Variants in EFNA5 observed in about 807,000 individuals in gnomAD.
EFNA5 encodes ephrin A5, also known as ephrin-A5.
A neutral mutation model predicts 22.9 loss-of-function variants in EFNA5; 5 were observed. The ratio of observed to expected loss-of-function variants is 0.22; its 90% CI spans 0.11 to 0.46. EFNA5 has a LOEUF of 0.46. EFNA5 is among the 20% of genes least tolerant of loss of function. The pLI, the probability that EFNA5 is intolerant of heterozygous loss-of-function variation, is 0.99. For missense variants in EFNA5, 237 were observed against 293.3 expected, an observed-to-expected ratio of 0.81 and a Z score of 1.40; for synonymous variants, 113 against 112.2, an observed-to-expected ratio of 1.01 and a Z score of -0.04.
chr5:107,464,424 G>C (rs1749921742), intron 1 of EFNA5, among the ~76,000 whole-genome samples: 2 of 152,166 alleles, frequency 1.3e-5, no homozygotes. Context: ...AAGACATGGA[G>C]GTGATGCTGC....
intron 1 of EFNA5, among the ~76,000 whole-genome samples, chr5:107,559,586 G>A (rs1748494915): frequency 6.6e-6 from 1 of 152,094 alleles, no homozygotes; most frequent in Non-Finnish European, 1.5e-5. Context: ...ATCTGTTTAT[G>A]TTCATTTCAC....
In EFNA5 at chr5:107,525,508, G is replaced by A. The variant is rs541574000; in HGVS notation, c.126-97999C>T. Among the ~76,000 whole-genome samples the A allele has an allele frequency of 6.6e-5, 10 of 152,230 alleles. No homozygotes were observed. In the South Asian group the frequency reaches 2.1e-3, roughly 32 times the overall value. ...AATACTAATAGCCTATTGGTGACCAGAAGTTTTACTGATAACATAAACAGT... is the reference window on the plus strand; with the variant it reads ...AATACTAATAGCCTATTGGTGACCAAAAGTTTTACTGATAACATAAACAGT... On this transcript the variant is annotated intron_variant, in intron 1 of 4. Transcript: ENST00000333274.
chr5:107,617,424 G>C (rs1306876561), intron 1 of EFNA5, among the ~76,000 whole-genome samples: 1 of 152,132 alleles, frequency 6.6e-6, no homozygotes, highest in Non-Finnish European at 1.5e-5. Flanking sequence ...TGATAGAATA[G>C]ATTTCTGCCT....
At chr5:107,381,606 G>A (rs1163830424) in intron 4 of EFNA5, among the ~76,000 whole-genome samples, 1 of 152,128 alleles carries the variant, frequency 6.6e-6, no homozygotes, top group Non-Finnish European at 1.5e-5. Context: ...AAAAATTGAG[G>A]GGAAAAATTA....
chr5:107,429,881 C>G (rs1435517351), intron 1 of EFNA5, among the ~76,000 whole-genome samples: 1 of 152,016 alleles, frequency 6.6e-6, no homozygotes, highest in African/African-American at 2.4e-5. Flanking sequence ...TTTTAAAAAT[C>G]CAAAAGGAAA....
At chr5:107,405,475 G>A (rs1023948251) in intron 2 of EFNA5, among the ~76,000 whole-genome samples, 1 of 152,136 alleles carries the variant, frequency 6.6e-6, no homozygotes, top group African/African-American at 2.4e-5. Flanking sequence ...TACACCAAAG[G>A]TGACTTTGTA....
intron 1 of EFNA5, among the ~76,000 whole-genome samples, chr5:107,578,044 ACT>A (rs571913535): frequency 3.3e-5 from 5 of 152,144 alleles, no homozygotes; most frequent in African/African-American, 1.2e-4. Context: ...TGAGGCCTCT[ACT>A]CTCTCGCCAA....
chr5:107,399,444 G>A (rs372821431), intron 2 of EFNA5, among the ~76,000 whole-genome samples: 5 of 152,028 alleles, frequency 3.3e-5, no homozygotes, highest in African/African-American at 9.7e-5. Flanking sequence ...GAATGGGAAC[G>A]TGGGCATCTT....
intron 1 of EFNA5, among the ~76,000 whole-genome samples, chr5:107,508,292 T>C (rs1747293592): frequency 6.6e-6 from 1 of 152,218 alleles, no homozygotes; most frequent in Non-Finnish European, 1.5e-5. Flanking sequence ...GCATCCACCT[T>C]CAGTGACCAC....
rs1747307569 is a variant in EFNA5 at position 107,377,821 on chromosome 5, C to T, written c.*3434G>A. The T allele has an allele frequency of 6.6e-6, 1 of 152,210 alleles. No homozygotes were observed. The highest frequency in any genetic ancestry group is 6.5e-5 in the Admixed American group (1 of 15,280). 9.4% of individuals were successfully genotyped at this position (152,210 alleles called of 1,614,324 possible). On this transcript the variant is annotated 3_prime_UTR_variant, in exon 5 of 5. Transcript: ENST00000333274. The stretch of plus-strand genomic sequence containing the variant: ...CAGAACTGTTTCTAAATTCCCTATC[C>T]TTTTCAAACCAACATGCTGGTGGAG...
chr5:107,451,717 G>A (rs1474676168), intron 1 of EFNA5, among the ~76,000 whole-genome samples: 1 of 152,138 alleles, frequency 6.6e-6, no homozygotes, highest in African/African-American at 2.4e-5. Context: ...AGACTTATCA[G>A]GAAACAATAG....
chr5:107,415,803 CA>C (rs1318618565), intron 2 of EFNA5, among the ~76,000 whole-genome samples: 7 of 152,212 alleles, frequency 4.6e-5, no homozygotes, highest in African/African-American at 1.7e-4. Flanking sequence ...ATAGCAACAG[CA>C]AGTATAACTA....
intron 1 of EFNA5, among the ~76,000 whole-genome samples, chr5:107,613,182 C>G (rs747926598): frequency 1.3e-4 from 20 of 151,960 alleles, no homozygotes; most frequent in Non-Finnish European, 2.4e-4. Context: ...TGAATTATAT[C>G]ACTAAGTTTA....
intron 1 of EFNA5, among the ~76,000 whole-genome samples, chr5:107,514,304 G>GA (rs1747433363): frequency 1.3e-5 from 2 of 152,242 alleles, no homozygotes; most frequent in South Asian, 2.1e-4. Context: ...ATTCACTTGG[G>GA]AATTCAACAG....
intron 1 of EFNA5, among the ~76,000 whole-genome samples, chr5:107,556,921 T>C (rs1748434484): frequency 6.6e-6 from 1 of 152,158 alleles, no homozygotes; most frequent in Non-Finnish European, 1.5e-5. Context: ...GGAAGACTTT[T>C]TTTTTAATCT....
chr5:107,384,382 C>T (rs1468533474), intron 4 of EFNA5, among the ~76,000 whole-genome samples: 1 of 152,130 alleles, frequency 6.6e-6, no homozygotes, highest in Non-Finnish European at 1.5e-5. Flanking sequence ...CTGAGATCAT[C>T]CTGCATCCCT....
chr5:107,529,004 C>T (rs994721872), intron 1 of EFNA5, among the ~76,000 whole-genome samples: 3 of 152,028 alleles, frequency 2.0e-5, no homozygotes, highest in Non-Finnish European at 4.4e-5. Context: ...TGTTTGTGTA[C>T]ATGTATTTGC....
At chr5:107,602,787 C>G (rs1343644982) in intron 1 of EFNA5, among the ~76,000 whole-genome samples, 1 of 151,858 alleles carries the variant, frequency 6.6e-6, no homozygotes, top group East Asian at 1.9e-4. Flanking sequence ...GGTTCCCAGT[C>G]GTTAGACGTG....
chr5:107,423,523 T>C (rs889654793), intron 2 of EFNA5, among the ~76,000 whole-genome samples: 3 of 152,078 alleles, frequency 2.0e-5, no homozygotes, highest in Non-Finnish European at 4.4e-5. Flanking sequence ...ACTACAGGCA[T>C]GTGCTACCAT....
Sources: gnomAD v4.1 joint callset for allele counts (sites outside exome capture counted in the v4.1 genomes callset) on GRCh38, gnomAD v4.1.1 for gene constraint, MANE v1.5 for transcripts, NCBI Gene and HGNC (gene_info 2026-07-23, HGNC 2026-07-21) for gene names.